MTCL2: variants seen among roughly 807,000 people sequenced by gnomAD.
The protein encoded by MTCL2 is microtubule crosslinking factor 2.
the MTCL2 span, among the ~76,000 whole-genome samples, chr20:36,854,027 T>C: frequency 6.6e-6 from 1 of 152,148 alleles, no homozygotes; most frequent in Non-Finnish European, 1.5e-5. Flanking sequence ...GTCTGAGGTC[T>C]TTAGGGATAG....
the MTCL2 span, among the ~76,000 whole-genome samples, chr20:36,838,053 T>G: frequency 2.1e-4 from 30 of 144,418 alleles, no homozygotes; most frequent in South Asian, 1.1e-3. Flanking sequence ...CTTCTCTTTG[T>G]TTTTTTTTTT....
At chr20:36,789,682 A>G in the MTCL2 span, among the ~76,000 whole-genome samples, 1 of 151,314 alleles carries the variant, frequency 6.6e-6, no homozygotes, top group African/African-American at 2.4e-5. Flanking sequence ...AAAAAAAGCG[A>G]ATTCTCCCTA....
chr20:36,854,589 G>A, the MTCL2 span, among the ~76,000 whole-genome samples: 3 of 152,138 alleles, frequency 2.0e-5, no homozygotes, highest in South Asian at 2.1e-4. Flanking sequence ...TGGGAGGCAG[G>A]ACCACACAGG....
At chr20:36,834,268 C>T in the MTCL2 span, among the ~76,000 whole-genome samples, 1 of 151,948 alleles carries the variant, frequency 6.6e-6, no homozygotes, top group South Asian at 2.1e-4. Flanking sequence ...GTAGGAATGT[C>T]ACCCCCACTC....
the MTCL2 span, among the ~76,000 whole-genome samples, chr20:36,811,584 C>A: frequency 1.3e-5 from 2 of 151,132 alleles, no homozygotes; most frequent in African/African-American, 4.9e-5. Flanking sequence ...GAGCCAAGAT[C>A]GCACTACTGC....
At chr20:36,862,972 C>G in the MTCL2 span, 1 of 1,409,454 alleles carries the variant, frequency 7.1e-7, no homozygotes, top group Non-Finnish European at 9.3e-7. Flanking sequence ...GACGCGCAGT[C>G]CGACACCTCC....
the MTCL2 span, chr20:36,817,477 G>T: frequency 6.6e-7 from 1 of 1,511,172 alleles, no homozygotes; most frequent in Non-Finnish European, 8.9e-7. Flanking sequence ...ATGCTGAAGT[G>T]AGATTTAATT....
chr20:36,793,157 G>A, the MTCL2 span: 550 of 1,398,772 alleles, frequency 3.9e-4, no homozygotes, highest in Admixed American at 5.6e-4. The surrounding 1 kb of genome is among the most constrained non-coding windows in gnomAD (Gnocchi z 6.8). Context: ...CACCCACCTC[G>A]GCCCATATCT....
the MTCL2 span, among the ~76,000 whole-genome samples, chr20:36,818,119 G>A: frequency 6.6e-6 from 1 of 152,252 alleles, no homozygotes; most frequent in Admixed American, 6.5e-5. Context: ...GATCACTGGT[G>A]TAATTCAGCT....
At chr20:36,856,450 G>A in the MTCL2 span, among the ~76,000 whole-genome samples, 1 of 152,258 alleles carries the variant, frequency 6.6e-6, no homozygotes, top group African/African-American at 2.4e-5. Flanking sequence ...AGAAGGGGGA[G>A]ATAGGGCCAG....
At chr20:36,797,546 G>A in the MTCL2 span, 1 of 1,557,392 alleles carries the variant, frequency 6.4e-7, no homozygotes, top group Non-Finnish European at 8.7e-7. Flanking sequence ...GAGTGCTTCA[G>A]GACCCAGGGG....
At chr20:36,834,499 C>T in the MTCL2 span, among the ~76,000 whole-genome samples, 56 of 152,218 alleles carry the variant, frequency 3.7e-4, no homozygotes, top group African/African-American at 1.3e-3. Flanking sequence ...CAGCTCCTCA[C>T]GGGTCCTGGG....
chr20:36,788,939 TG>T, the MTCL2 span, among the ~76,000 whole-genome samples: 1 of 151,984 alleles, frequency 6.6e-6, no homozygotes, highest in Admixed American at 6.6e-5. Flanking sequence ...CCCGAGTAGC[TG>T]GGATTACAGG....
chr20:36,802,735 G>T, the MTCL2 span: 2 of 1,224,766 alleles, frequency 1.6e-6, no homozygotes, highest in Non-Finnish European at 2.2e-6. Context: ...GAGATGGTGT[G>T]CCAGACCTCA....
the MTCL2 span, among the ~76,000 whole-genome samples, chr20:36,856,780 A>G: frequency 6.6e-5 from 10 of 152,392 alleles, no homozygotes; most frequent in African/African-American, 2.4e-4. Flanking sequence ...TGTACACATT[A>G]GCTCCAGGGA....
At chr20:36,815,936 G>C in the MTCL2 span, 1 of 1,612,434 alleles carries the variant, frequency 6.2e-7, no homozygotes, top group Admixed American at 1.7e-5. This position sits in a 1 kb window ranked among gnomAD's most constrained non-coding sequence, Gnocchi z 5.3. Context: ...CGCACTCTCC[G>C]CCACCCAGCG....
At chr20:36,839,376 C>A in the MTCL2 span, 1 of 1,613,400 alleles carries the variant, frequency 6.2e-7, no homozygotes, top group South Asian at 1.1e-5. The surrounding 1 kb of genome is among the most constrained non-coding windows in gnomAD (Gnocchi z 5.1). Flanking sequence ...GCAGCTGATA[C>A]ACGTCCTCCT....
the MTCL2 span, among the ~76,000 whole-genome samples, chr20:36,825,590 G>C: frequency 1.3e-5 from 2 of 152,240 alleles, no homozygotes; most frequent in African/African-American, 2.4e-5. Flanking sequence ...CTCTAGCGGA[G>C]AGCTGTCTCC....
the MTCL2 span, among the ~76,000 whole-genome samples, chr20:36,858,463 A>C: frequency 0.1 from 2,552 of 25,324 alleles, 497 homozygotes; most frequent in Middle Eastern, 0.19. Context: ...AAGGAGGGAA[A>C]ACACACACAC....
Sources: gnomAD v4.1 joint callset for allele counts (sites outside exome capture counted in the v4.1 genomes callset) on GRCh38, gnomAD v4.1.1 for gene constraint, Gnocchi (gnomAD v3.1) non-coding constraint, MANE v1.5 for transcripts, NCBI Gene and HGNC (gene_info 2026-07-23, HGNC 2026-07-21) for gene names.